Variants in PRICKLE2 observed in about 807,000 individuals in gnomAD.
The protein encoded by PRICKLE2 is prickle-like protein 2.
A neutral mutation model predicts 81.4 loss-of-function variants in PRICKLE2; 21 were observed. The observed-to-expected ratio is 0.26, with a 90% CI of 0.18 to 0.37. The LOEUF (loss-of-function observed/expected upper bound fraction) is 0.37, where lower values mean the gene tolerates loss of function less well. Ranked by LOEUF, PRICKLE2 falls within the 10% of genes least tolerant of loss-of-function variation. The pLI is 1.00. For missense variants in PRICKLE2, 940 were observed against 1,109.0 expected (o/e 0.85, Z 2.16); for synonymous variants, 456 against 421.5 (o/e 1.08, Z -1.00).
intron 2 of PRICKLE2, among the ~76,000 whole-genome samples, chr3:64,193,932 T>A (rs2078399380): frequency 6.6e-6 from 1 of 152,216 alleles, no homozygotes; most frequent in Non-Finnish European, 1.5e-5. Context: ...AATTGTCCAG[T>A]CTTGGGTATG....
intron 7 of PRICKLE2, among the ~76,000 whole-genome samples, chr3:64,108,230 G>A (rs924362858): frequency 9.9e-5 from 15 of 152,260 alleles, no homozygotes; most frequent in Admixed American, 1.3e-4. Flanking sequence ...AGCATGCTGC[G>A]GCAAGCCTGA....
At chr3:64,117,728 C>G (rs184328105) in intron 7 of PRICKLE2, among the ~76,000 whole-genome samples, 7 of 152,106 alleles carry the variant, frequency 4.6e-5, no homozygotes, top group Non-Finnish European at 8.8e-5. Flanking sequence ...AAACACATTC[C>G]ATGCTCATTG....
At chr3:64,170,003 C>A (rs1270960004) in intron 2 of PRICKLE2, among the ~76,000 whole-genome samples, 1 of 152,120 alleles carries the variant, frequency 6.6e-6, no homozygotes, top group Non-Finnish European at 1.5e-5. Flanking sequence ...ATGGGCTGCT[C>A]ATGAGGGCCC....
intron 2 of PRICKLE2, among the ~76,000 whole-genome samples, chr3:64,231,290 C>A (rs1349344671): frequency 6.6e-6 from 1 of 152,116 alleles, no homozygotes; most frequent in Non-Finnish European, 1.5e-5. Flanking sequence ...TTAAAGATTG[C>A]ATCAATGATT....
chr3:64,205,229 A>T (rs2078663385), intron 1 of PRICKLE2, among the ~76,000 whole-genome samples: 1 of 151,936 alleles, frequency 6.6e-6, no homozygotes, highest in South Asian at 2.1e-4. Flanking sequence ...GAGAGAGGAG[A>T]TTCTGCATTC....
At chr3:64,188,268 G>C (rs161664) in intron 2 of PRICKLE2, among the ~76,000 whole-genome samples, 2 of 152,116 alleles carry the variant, frequency 1.3e-5, no homozygotes, top group East Asian at 1.9e-4. Context: ...AAGCATCCCC[G>C]TGTTACAGCT....
At chr3:64,126,698 C>A (rs2077112502) in intron 7 of PRICKLE2, among the ~76,000 whole-genome samples, 1 of 152,194 alleles carries the variant, frequency 6.6e-6, no homozygotes, top group South Asian at 2.1e-4. Context: ...CTGCCTCAGC[C>A]TCTTGAGTAG....
At chr3:64,196,415 T>C (rs1344600901) in intron 2 of PRICKLE2, among the ~76,000 whole-genome samples, 2 of 152,208 alleles carry the variant, frequency 1.3e-5, no homozygotes, top group African/African-American at 4.8e-5. Context: ...TATCTAGGTA[T>C]GAAAACACAC....
At chr3:64,158,474 A>G (rs1010438992) in intron 4 of PRICKLE2, among the ~76,000 whole-genome samples, 1 of 152,226 alleles carries the variant, frequency 6.6e-6, no homozygotes, top group African/African-American at 2.4e-5. Context: ...TCTATAGATG[A>G]CAAAACCAAG....
intron 2 of PRICKLE2, among the ~76,000 whole-genome samples, chr3:64,238,478 T>A (rs1395858914): frequency 9.9e-6 from 1 of 100,642 alleles, no homozygotes; most frequent in South Asian, 4.2e-4. Context: ...AGAACGAGAC[T>A]CCGTCTCAAA....
intron 7 of PRICKLE2, among the ~76,000 whole-genome samples, chr3:64,134,767 CCTT>C (rs2077252599): frequency 6.6e-6 from 1 of 151,886 alleles, no homozygotes. Flanking sequence ...GGAATTTCCT[CCTT>C]CATCTTTTTA....
rs2077857153 is a variant in PRICKLE2 at position 64,167,623 on chromosome 3, G to C, written c.145-4494C>G. Among the ~76,000 whole-genome samples the C allele has an allele frequency of 2.0e-5, 3 of 152,320 alleles. No individual in the cohort carries two copies. The South Asian group carries it at 6.2e-4, about 32-fold the overall frequency. ...CTGGAAAGATGAGGCTTGTTGGAAG[G>C]AACTGCACGTTTGATAGCATTTCTG... is the stretch of plus-strand genomic sequence containing the variant. On this transcript the variant is annotated intron_variant, in intron 2 of 7. Coordinates refer to ENST00000638394, the MANE Select transcript of PRICKLE2 (RefSeq NM_198859.4).
At chr3:64,216,864 A>G (rs1431826122) in intron 1 of PRICKLE2, among the ~76,000 whole-genome samples, 2 of 152,114 alleles carry the variant, frequency 1.3e-5, no homozygotes, top group Non-Finnish European at 2.9e-5. Context: ...GAGTGGCCCA[A>G]CCTCCACAGG....
chr3:64,222,702 C>A (rs1464335304), intron 1 of PRICKLE2, among the ~76,000 whole-genome samples: 2 of 152,084 alleles, frequency 1.3e-5, no homozygotes, highest in Non-Finnish European at 2.9e-5. Context: ...TTCTGAGGAG[C>A]CAACCAGCAG....
chr3:64,257,485 C>A (rs2079543739), intron 2 of PRICKLE2, among the ~76,000 whole-genome samples: 1 of 152,166 alleles, frequency 6.6e-6, no homozygotes, highest in Non-Finnish European at 1.5e-5. Flanking sequence ...GAAGAAAAGG[C>A]TGATTTGGCA....
chr3:64,100,239 G>T, intron 7 of PRICKLE2: 3 of 366,648 alleles, frequency 8.2e-6, no homozygotes, highest in African/African-American at 2.0e-5. Context: ...TCCTCTATTT[G>T]GAGTTTCACT....
chr3:64,181,146 G>A (rs537975968), intron 2 of PRICKLE2, among the ~76,000 whole-genome samples: 9 of 152,260 alleles, frequency 5.9e-5, no homozygotes, highest in South Asian at 2.1e-4. Context: ...TGAATTATTA[G>A]TCTCAGGCCA....
Position 64,099,706 on chromosome 3 carries a change from G to C in PRICKLE2, c.1880C>G (p.Pro627Arg). 6.2e-7 allele frequency: 1 copy of C among 1,614,206 alleles called. No homozygotes were observed. The highest frequency in any genetic ancestry group is 8.5e-7 in the Non-Finnish European group (1 of 1,180,046). ...MEGNLHQLSN[P>R]IGYRDLQSHG... Reference sequence around the variant, plus strand: ...GGACTGCAGGTCTCTGTAGCCAATGGGGTTGCTGAGCTGGTGGAGGTTTCC... The same window carrying C: ...GGACTGCAGGTCTCTGTAGCCAATGCGGTTGCTGAGCTGGTGGAGGTTTCC... The change falls in exon 8 of 8, where the codon CCC (proline) becomes CGC (arginine). Residue 627 changes from proline to arginine, a missense_variant. Pro to Arg is a moderately radical substitution (Grantham distance 103, BLOSUM62 -2). Around this residue, in one of 2 missense-constraint regions of PRICKLE2, gnomAD observed 670 missense variants for 717.2 expected, o/e 0.93. Coordinates refer to ENST00000638394, the MANE Select transcript of PRICKLE2 (RefSeq NM_198859.4). The surrounding 1 kb of genome is among the most constrained non-coding windows in gnomAD (Gnocchi z 4.3).
At chr3:64,202,321 T>A (rs35498882) in intron 1 of PRICKLE2, among the ~76,000 whole-genome samples, 54,547 of 152,074 alleles carry the variant, frequency 0.36, 11,770 homozygotes, top group Admixed American at 0.48. Context: ...TACACTGACT[T>A]TGTAGATCAA....
Sources: gnomAD v4.1 joint callset for allele counts (sites outside exome capture counted in the v4.1 genomes callset) on GRCh38, gnomAD v4.1.1 for gene constraint, gnomAD v4.1.1 regional missense constraint, Gnocchi (gnomAD v3.1) non-coding constraint, MANE v1.5 for transcripts, NCBI Gene and HGNC (gene_info 2026-07-23, HGNC 2026-07-21) for gene names.